CENPE: variants seen among roughly 807,000 people sequenced by gnomAD.
CENPE encodes the protein centromere-associated protein E.
A neutral mutation model predicts 336.1 loss-of-function variants in CENPE; 145 were observed. That is an observed-to-expected ratio of 0.43 (90% CI 0.38 to 0.50). The LOEUF (loss-of-function observed/expected upper bound fraction) is 0.50, where lower values mean the gene tolerates loss of function less well. CENPE is among the 20% of genes least tolerant of loss of function. CENPE has a pLI of 0.00. For synonymous variants in CENPE, 1,013 were observed against 984.8 expected (o/e 1.03, Z -0.54); for missense variants, 2,719 against 3,023.3 (o/e 0.90, Z 2.36).
At chr4:103,117,633 T>C (rs1750250104) in intron 44 of CENPE, among the ~76,000 whole-genome samples, 1 of 149,722 alleles carries the variant, frequency 6.7e-6, no homozygotes, top group Non-Finnish European at 1.5e-5. Flanking sequence ...TTTTTTTTTT[T>C]TTTTTTTTTT....
At position 103,131,638 on chromosome 4, in the gene CENPE, C is replaced by A. The variant is rs1413894478; in HGVS notation, c.6924+1055G>T. 4.6e-5 allele frequency among the ~76,000 whole-genome samples: 7 copies of A among 152,002 alleles called. 1 individual carries two copies. The East Asian group carries it at 1.3e-3, about 29-fold the overall frequency. On this transcript the variant is annotated intron_variant, in intron 42 of 48. Transcript: ENST00000265148. ...AGAGAGTTGAAAATGTATGTCCACACAAAAAGATACATATGTATGTTTATA... is the reference window on the plus strand; with the variant it reads ...AGAGAGTTGAAAATGTATGTCCACAAAAAAAGATACATATGTATGTTTATA...
In CENPE at chr4:103,194,700, T is replaced by A; in HGVS notation, c.478-16A>T. The A allele has an allele frequency of 6.4e-7, 1 of 1,574,782 alleles. No homozygotes were observed. Among genetic ancestry groups the A allele is most frequent in the South Asian group, 1.2e-5 (1 of 86,010 alleles). On this transcript the variant is annotated splice_polypyrimidine_tract_variant and intron_variant, in intron 5 of 48. Transcript: ENST00000265148. ...ACACATTCCTCTGAAACAAGTTTAA[T>A]TATGGAAAGATTAGAGAAATAGAAG... is the stretch of plus-strand genomic sequence containing the variant.
Position 103,163,273 on chromosome 4 carries a change from A to T in CENPE, c.1723-17T>A. On this transcript the variant is annotated splice_polypyrimidine_tract_variant and intron_variant, in intron 17 of 48. Coordinates refer to ENST00000265148, the MANE Select transcript of CENPE (RefSeq NM_001813.3). ...GAGTTCATTCTAAAAGAATCAAAGG[A>T]GAGAGTAACAATTTAGAATCTGATT... 6.3e-7 allele frequency: 1 copy of T among 1,594,724 alleles called. No homozygotes were observed. Among genetic ancestry groups the T allele is most frequent in the Non-Finnish European group, 8.5e-7 (1 of 1,170,494 alleles).
At chr4:103,120,885 GC>G (rs1750566903) in intron 43 of CENPE, among the ~76,000 whole-genome samples, 1 of 152,020 alleles carries the variant, frequency 6.6e-6, no homozygotes, top group South Asian at 2.1e-4. Context: ...ACAGGTGTGT[GC>G]CACCACGCCT....
At position 103,138,457 on chromosome 4, in the gene CENPE, G is replaced by C. The variant is rs752442936; in HGVS notation, c.6205-8C>G. The C allele has an allele frequency of 6.2e-7, 1 of 1,602,348 alleles. No homozygotes were observed. Among genetic ancestry groups the C allele is most frequent in the Non-Finnish European group, 8.5e-7 (1 of 1,169,850 alleles). On this transcript the variant is annotated splice_polypyrimidine_tract_variant and splice_region_variant and intron_variant, in intron 38 of 48. Transcript: ENST00000265148. ...TTGGTGGTTCTGTCGGTCCTGCTTT[G>C]GTAAAAAGAAAATAAACAGGGCTTT...
In CENPE at chr4:103,108,958, TTC is replaced by T. The variant is rs1339693077; in HGVS notation, c.7854_7855del (p.Lys2619ThrfsTer27). Reference sequence around the variant, plus strand: ...CTTGCATTGAGAGGGTGTAATTTGTTTCTTTTTAGAAGCTGTTCCAGTCACTT... The same window carrying T: ...CTTGCATTGAGAGGGTGTAATTTGTTTTTTTAGAAGCTGTTCCAGTCACTT... On this transcript the variant is annotated frameshift_variant, in exon 48 of 49. Coordinates refer to ENST00000265148, the MANE Select transcript of CENPE (RefSeq NM_001813.3). LOFTEE classifies it high-confidence loss of function. 6.2e-7 allele frequency: 1 copy of T among 1,613,910 alleles called. No individual in the cohort carries two copies. The highest frequency in any genetic ancestry group is 2.2e-5 in the East Asian group (1 of 44,846).
chr4:103,182,947 G>C, intron 10 of CENPE, 56 bp from the exon 11 acceptor site: 4 of 1,547,378 alleles, frequency 2.6e-6, no homozygotes, highest in Non-Finnish European at 3.5e-6. Context: ...ATATAATAAA[G>C]TAGTTGGTTT....
chr4:103,139,688 C>A, intron 38 of CENPE, 101 bp downstream of exon 38: 1 of 1,150,884 alleles, frequency 8.7e-7, no homozygotes. Flanking sequence ...CTTTACTGTT[C>A]ATAGGAATTT....
At position 103,161,265 on chromosome 4, in the gene CENPE, C is replaced by T. The variant is rs1264462661; in HGVS notation, c.1966-14G>A. On this transcript the variant is annotated splice_polypyrimidine_tract_variant and intron_variant, in intron 19 of 48. Transcript: ENST00000265148. ...TGCAAGTTCTTTCTATTGAGAAAAACATTGCAAATGCACAAAAATACACTG... is the reference window on the plus strand; with the variant it reads ...TGCAAGTTCTTTCTATTGAGAAAAATATTGCAAATGCACAAAAATACACTG... The T allele has an allele frequency of 1.2e-6, 2 of 1,605,512 alleles. No individual in the cohort carries two copies. The highest frequency in any genetic ancestry group is 2.7e-5 in the African/African-American group (2 of 74,300).
At chr4:103,156,921 A>C (rs1490421115) in intron 24 of CENPE, among the ~76,000 whole-genome samples, 1 of 151,998 alleles carries the variant, frequency 6.6e-6, no homozygotes, top group Admixed American at 6.6e-5. Flanking sequence ...ATGGGAAAAG[A>C]CTTAAATAGA....
rs111434324 is a variant in CENPE at position 103,181,775 on chromosome 4, C to A, written c.964-319G>T. 1.4e-3 allele frequency: 260 copies of A among 189,928 alleles called. 3 individuals carry two copies. The highest frequency in any genetic ancestry group is 5.8e-3 in the African/African-American group (244 of 42,110). 11.8% of individuals were successfully genotyped at this position (189,928 alleles called of 1,614,324 possible). On this transcript the variant is annotated intron_variant, in intron 11 of 48. Transcript: ENST00000265148. ...AAGTTTTGCTTCTAGCCAAAAATAT[C>A]TCTCCTTCCTTTAAACTCTATACTA...
intron 46 of CENPE, among the ~76,000 whole-genome samples, chr4:103,114,143 A>C (rs903359286): frequency 2.0e-5 from 3 of 152,156 alleles, no homozygotes; most frequent in African/African-American, 7.2e-5. Context: ...TGGGAAGCAT[A>C]ATTCCATGTT....
At chr4:103,182,721 G>C in intron 11 of CENPE, 41 bp downstream of exon 11, 1 of 1,510,968 alleles carries the variant, frequency 6.6e-7, no homozygotes, top group Non-Finnish European at 8.9e-7. Context: ...TCTTCAAGCT[G>C]ATCTTCCCCT....
intron 42 of CENPE, among the ~76,000 whole-genome samples, chr4:103,129,710 T>A (rs1185439229): frequency 6.6e-6 from 1 of 151,294 alleles, no homozygotes; most frequent in South Asian, 2.1e-4. Flanking sequence ...GGAGACAGAG[T>A]GAGACTCCAT....
chr4:103,182,444 CAAGT>C (rs1453579792), intron 11 of CENPE, among the ~76,000 whole-genome samples: 1 of 152,054 alleles, frequency 6.6e-6, no homozygotes, highest in Admixed American at 6.5e-5. Context: ...CTATTTGTGG[CAAGT>C]AATAATAGTT....
chr4:103,170,915 C>T (rs1454665888), intron 16 of CENPE, among the ~76,000 whole-genome samples: 1 of 151,992 alleles, frequency 6.6e-6, no homozygotes, highest in Non-Finnish European at 1.5e-5. Context: ...ATAGACTTTA[C>T]ATCAAAAACT....
chr4:103,108,658 C>G (rs1749110869), intron 48 of CENPE, 145 bp downstream of exon 48: 1 of 781,564 alleles, frequency 1.3e-6, no homozygotes. Flanking sequence ...AATCAACTTT[C>G]TTACAGAGTC....
chr4:103,182,703 T>C, intron 11 of CENPE, 59 bp downstream of exon 11: 1 of 1,403,698 alleles, frequency 7.1e-7, no homozygotes, highest in Non-Finnish European at 9.6e-7. Flanking sequence ...TAGTAGGTAA[T>C]GTTTTCTTCT....
At chr4:103,192,395 G>C (rs1160987076) in intron 8 of CENPE, among the ~76,000 whole-genome samples, 5 of 152,194 alleles carry the variant, frequency 3.3e-5, no homozygotes, top group African/African-American at 1.2e-4. Context: ...AGTTAGATTG[G>C]TTAAGAGTGG....
Sources: allele counts gnomAD v4.1 joint callset (sites outside exome capture counted in the v4.1 genomes callset), GRCh38; gene constraint gnomAD v4.1.1; transcripts MANE v1.5; gene names NCBI Gene and HGNC (gene_info 2026-07-23, HGNC 2026-07-21).